Variants in SYNE1 observed in about 807,000 individuals in gnomAD.
SYNE1 encodes the protein spectrin repeat containing nuclear envelope protein 1, also known as nesprin-1.
SYNE1 carries 616 observed loss-of-function variants against 1,111.0 expected under a neutral mutation model. The observed-to-expected ratio is 0.55, with a 90% CI of 0.52 to 0.59. The LOEUF (loss-of-function observed/expected upper bound fraction) is 0.59, where lower values mean the gene tolerates loss of function less well. Ranked by LOEUF, SYNE1 falls within the 20% of genes least tolerant of loss-of-function variation. The probability of loss-of-function intolerance (pLI) is 0.00; values close to 1 mark genes in which losing one functional copy is unlikely to be tolerated. For missense variants in SYNE1, 10,006 were observed against 10,417.0 expected (o/e 0.96, Z 1.72); for synonymous variants, 3,855 against 3,825.8 (o/e 1.01, Z -0.28).
chr6:152,477,960 T>A (rs1378660875), intron 14 of SYNE1, among the ~76,000 whole-genome samples: 1 of 152,096 alleles, frequency 6.6e-6, no homozygotes, highest in Non-Finnish European at 1.5e-5. Flanking sequence ...AGAGACAGAG[T>A]CTCGCTTTGT....
rs747185318 is a variant in SYNE1 at position 152,330,932 on chromosome 6, TA to T, written c.13752del (p.Thr4585HisfsTer7). ...ACHWLKQADI[V>X]TFPEINLMNE... is the part of the protein sequence containing the mutation. Reference sequence around the variant, plus strand: ...TTCATTAGGTTGATTTCAGGAAATGTAACAATATCTGCTTGTTTTAGCCAGT... The same window carrying T: ...TTCATTAGGTTGATTTCAGGAAATGTACAATATCTGCTTGTTTTAGCCAGT... On this transcript the variant is annotated frameshift_variant, in exon 78 of 146. Coordinates refer to ENST00000367255, the MANE Select transcript of SYNE1 (RefSeq NM_182961.4). LOFTEE classifies it high-confidence loss of function. 1.3e-5 allele frequency: 21 copies of T among 1,614,040 alleles called. No individual in the cohort carries two copies. Among genetic ancestry groups the T allele is most frequent in the Non-Finnish European group, 1.8e-5 (21 of 1,179,984 alleles).
intron 4 of SYNE1, among the ~76,000 whole-genome samples, chr6:152,536,318 AATATATATAGTAATATATATATATAACT>A (rs1564707336): frequency 7.0e-6 from 1 of 141,930 alleles, no homozygotes; most frequent in African/African-American, 2.6e-5. Flanking sequence ...GTTCTGCGCC[AATATATATAGTAATATATATATATAACT>A]ATATATATAG....
intron 141 of SYNE1, 115 bp from the exon 142 acceptor site, chr6:152,135,347 C>A: frequency 8.8e-7 from 1 of 1,139,046 alleles, no homozygotes; most frequent in Non-Finnish European, 1.3e-6. Context: ...AACATACATG[C>A]AACTCCTTTC....
At chr6:152,280,351 C>T (rs1367687578) in intron 97 of SYNE1, among the ~76,000 whole-genome samples, 3 of 152,196 alleles carry the variant, frequency 2.0e-5, no homozygotes, top group East Asian at 3.8e-4. Flanking sequence ...GTCCAACCCA[C>T]GGACCATGGG....
At chr6:152,249,586 A>G (rs1169417759) in intron 104 of SYNE1, among the ~76,000 whole-genome samples, 2 of 152,228 alleles carry the variant, frequency 1.3e-5, no homozygotes, top group African/African-American at 2.4e-5. Context: ...CAGAAATATT[A>G]TATTAGTGGC....
At chr6:152,430,361 G>A (rs1453772281) in intron 35 of SYNE1, 121 bp downstream of exon 35, 4 of 1,135,514 alleles carry the variant, frequency 3.5e-6, no homozygotes, top group Non-Finnish European at 1.3e-6. Flanking sequence ...AAATCAACAT[G>A]TCCCATTATT....
Position 152,152,021 on chromosome 6 carries a change from C to A in SYNE1, c.24250G>T (p.Glu8084Ter). The A allele has an allele frequency of 1.9e-6, 3 of 1,614,200 alleles. No individual in the cohort carries two copies. Among genetic ancestry groups the A allele is most frequent in the Non-Finnish European group, 2.5e-6 (3 of 1,180,044 alleles). Residue 8084 changes from glutamate (E) to a stop codon, truncating the protein, a stop_gained, in exon 134 of 146, where the codon GAA becomes TAA. Transcript: ENST00000367255. LOFTEE classifies it high-confidence loss of function. ...AGGTTGTCCCATCTCTGGTTGCCTTCGTGAACCATCTGTTTGAGGCTACAT... is the reference window on the plus strand; with the variant it reads ...AGGTTGTCCCATCTCTGGTTGCCTTAGTGAACCATCTGTTTGAGGCTACAT... Reference protein sequence around the residue: ...SACSLKQMVHEGNQRWDNLQK... With the variant: ...SACSLKQMVH
At chr6:152,228,124 C>CA (rs1209843760) in intron 115 of SYNE1, among the ~76,000 whole-genome samples, 10 of 151,994 alleles carry the variant, frequency 6.6e-5, no homozygotes, top group African/African-American at 2.2e-4. Context: ...CACTTTGGTC[C>CA]AAAAAACAAT....
In SYNE1 at chr6:152,277,858, C is replaced by T. The variant is rs2093756890; in HGVS notation, c.18573+231G>A. 6.9e-6 allele frequency: 4 copies of T among 577,440 alleles called. No homozygotes were observed. In the East Asian group the frequency reaches 1.3e-4, roughly 18 times the overall value. 35.8% of individuals were successfully genotyped at this position (577,440 alleles called of 1,614,324 possible). On this transcript the variant is annotated intron_variant, in intron 98 of 145. Coordinates refer to ENST00000367255, the MANE Select transcript of SYNE1 (RefSeq NM_182961.4). ...TTCATGTCAGAGTGCTTTTTGCCTC[C>T]ACCACTCCGCTGAACAGCTGTTGTT...
Position 152,284,112 on chromosome 6 carries a change from C to G in SYNE1, c.18073G>C (p.Ala6025Pro). ...DEINELQSSL[A>P]EELVSESCEA... ...CAAGACTCGGATACCAGCTCCTCTG[C>G]GAGAGAGGACTGGAGCTCATTGATT... The change falls in exon 96 of 146, where the codon GCA becomes CCA. Residue 6025 changes from alanine to proline, a missense_variant. This residue lies in a region of SYNE1 where 4,955 missense variants were observed against 5,017.2 expected (regional missense o/e 0.99). Transcript: ENST00000367255. The G allele has an allele frequency of 1.9e-6, 3 of 1,614,150 alleles. No individual in the cohort carries two copies. The highest frequency in any genetic ancestry group is 2.5e-6 in the Non-Finnish European group (3 of 1,180,004).
rs769608326 is a variant in SYNE1, at chr6:152,417,043, C to T, written c.5422-28G>A. 4.3e-6 allele frequency: 7 copies of T among 1,612,304 alleles called. No homozygotes were observed. In the East Asian group the frequency reaches 1.3e-4, roughly 31 times the overall value. On this transcript the variant is annotated intron_variant, in intron 40 of 145. Transcript: ENST00000367255. ...GGAAGGGAAGAGAGAGTTATTGATTCCTGAGATACACTACAGTCTATGGCA... is the reference window on the plus strand; with the variant it reads ...GGAAGGGAAGAGAGAGTTATTGATTTCTGAGATACACTACAGTCTATGGCA...
Position 152,164,411 on chromosome 6 carries a change from A to G in SYNE1, c.23628-86T>C, listed in dbSNP as rs1336683933. 4 of 1,519,848 alleles carry G rather than the reference A, an allele frequency of 2.6e-6. No individual in the cohort carries two copies. The African/African-American group carries it at 4.1e-5, about 16-fold the overall frequency. The allele number at this position is 1,519,848 out of a possible 1,614,324, so 94.1% of individuals were successfully genotyped here. ...CGTGCAGAGGAGAACACTGGGCTTTAACAATCTTTTTAGGCAGAGTTAGAA... is the reference window on the plus strand; with the variant it reads ...CGTGCAGAGGAGAACACTGGGCTTTGACAATCTTTTTAGGCAGAGTTAGAA... On this transcript the variant is annotated intron_variant, in intron 130 of 145. Transcript: ENST00000367255.
chr6:152,126,991 T>C (rs2053686987), intron 145 of SYNE1: 1 of 152,234 alleles, frequency 6.6e-6, no homozygotes, highest in Non-Finnish European at 1.5e-5. Context: ...ATCTAGATTG[T>C]CCGTGATCTT....
rs776960809 is a variant in SYNE1, at chr6:152,465,300, C to T, written c.1890G>A (p.Glu630=). The T allele has an allele frequency of 1.7e-5, 28 of 1,613,614 alleles. No homozygotes were observed. Among genetic ancestry groups the T allele is most frequent in the Middle Eastern group, 3.3e-4 (2 of 6,082 alleles). ...ATTGATTGAGCATTTTTTCAGCATCCTCTAGCCAGGCTTGCAGACTAGCCA... is the reference window on the plus strand; with the variant it reads ...ATTGATTGAGCATTTTTTCAGCATCTTCTAGCCAGGCTTGCAGACTAGCCA... The part of the protein sequence containing the change: ...NTVASLQAWL[E]DAEKMLNQSE... The change falls in exon 18 of 146, where the codon GAG becomes GAA. Residue 630 remains glutamate (E), a synonymous_variant. Transcript: ENST00000367255.
At chr6:152,252,714 T>C (rs1031663763) in intron 104 of SYNE1, among the ~76,000 whole-genome samples, 4 of 152,214 alleles carry the variant, frequency 2.6e-5, no homozygotes, top group African/African-American at 9.6e-5. Flanking sequence ...ATGTTAACAT[T>C]GGAAAGTTTC....
At chr6:152,510,098 GTC>G in intron 8 of SYNE1, 93 bp downstream of exon 8, 1 of 1,269,798 alleles carries the variant, frequency 7.9e-7, no homozygotes, top group East Asian at 2.3e-5. Context: ...TCATTCAAAT[GTC>G]TCTTCACATT....
intron 69 of SYNE1, among the ~76,000 whole-genome samples, chr6:152,352,692 CT>C (rs1441408849): frequency 2.6e-5 from 4 of 152,222 alleles, no homozygotes; most frequent in African/African-American, 9.6e-5. Flanking sequence ...GTGTGAGCCA[CT>C]GTGCCTGGCC....
intron 42 of SYNE1, among the ~76,000 whole-genome samples, chr6:152,410,891 TA>T (rs2098022523): frequency 6.6e-6 from 1 of 152,216 alleles, no homozygotes; most frequent in Non-Finnish European, 1.5e-5. Context: ...ACCAAAATGT[TA>T]AAAACAGGTC....
chr6:152,619,964 T>C (rs966584862), intron 3 of SYNE1, among the ~76,000 whole-genome samples: 1 of 152,236 alleles, frequency 6.6e-6, no homozygotes, highest in African/African-American at 2.4e-5. Flanking sequence ...CTGAGCATCT[T>C]GAACCTCCTT....
Sources: allele counts gnomAD v4.1 joint callset (sites outside exome capture counted in the v4.1 genomes callset), GRCh38; gene constraint gnomAD v4.1.1; regional missense constraint gnomAD v4.1.1; transcripts MANE v1.5; gene names NCBI Gene and HGNC (gene_info 2026-07-23, HGNC 2026-07-21).